The following EIF4G3 variants were observed in gnomAD, a reference collection of about 807,000 sequenced individuals.
EIF4G3 encodes eukaryotic translation initiation factor 4 gamma 3, also known as eIF-4-gamma 3.
A neutral mutation model predicts 186.4 loss-of-function variants in EIF4G3; 34 were observed. The observed-to-expected ratio is 0.18, with a 90% CI of 0.14 to 0.24. EIF4G3 has a LOEUF of 0.24. EIF4G3 is among the 10% of genes least tolerant of loss of function. The pLI, the probability that EIF4G3 is intolerant of heterozygous loss-of-function variation, is 1.00. For synonymous variants in EIF4G3, 673 were observed against 679.5 expected, an observed-to-expected ratio of 0.99 and a Z score of 0.15; for missense variants, 1,536 against 1,948.5, an observed-to-expected ratio of 0.79 and a Z score of 3.99.
intron 2 of EIF4G3, among the ~76,000 whole-genome samples, chr1:21,127,265 C>T (rs973088499): frequency 2.0e-5 from 3 of 152,160 alleles, no homozygotes; most frequent in African/African-American, 7.2e-5. Flanking sequence ...GCGTGATCTA[C>T]CATGCCTGGC....
intron 4 of EIF4G3, among the ~76,000 whole-genome samples, chr1:21,006,482 G>A (rs1489650467): frequency 6.6e-6 from 1 of 152,156 alleles, no homozygotes; most frequent in East Asian, 1.9e-4. Flanking sequence ...CCAGTATACT[G>A]TCCAAGTTGA....
intron 4 of EIF4G3, among the ~76,000 whole-genome samples, chr1:21,040,990 A>G (rs896304116): frequency 2.0e-5 from 3 of 151,888 alleles, no homozygotes; most frequent in Non-Finnish European, 4.4e-5. Flanking sequence ...TTGGTCTATA[A>G]ATTTGTTCTG....
rs1007989793 is a variant in EIF4G3, at chr1:20,810,390, A to G, written c.4744+348T>C. 6.6e-6 allele frequency among the ~76,000 whole-genome samples: 1 copy of G among 151,970 alleles called. No individual in the cohort carries two copies. The highest frequency in any genetic ancestry group is 2.4e-5 in the African/African-American group (1 of 41,362). On this transcript the variant is annotated intron_variant, in intron 36 of 36. Transcript: ENST00000602326. The surrounding 1 kb of genome is among the most constrained non-coding windows in gnomAD (Gnocchi z 4.1). ...AGGATGGTCTCGATCTCCTGACCTC[A>G]TGATCCATCTGCCTCGGCCTCCCAA...
intron 14 of EIF4G3, among the ~76,000 whole-genome samples, chr1:20,933,840 C>A (rs1451050084): frequency 6.6e-6 from 1 of 152,064 alleles, no homozygotes; most frequent in Non-Finnish European, 1.5e-5. Flanking sequence ...ATTGGATGTA[C>A]TGAATTTGAG....
At position 20,882,869 on chromosome 1, in the gene EIF4G3, G is replaced by A. The variant is rs550486316; in HGVS notation, c.2424+3332C>T. On this transcript the variant is annotated intron_variant, in intron 19 of 36. Coordinates refer to ENST00000602326, the MANE Select transcript of EIF4G3 (RefSeq NM_001391906.1). The stretch of plus-strand genomic sequence containing the variant: ...ATTGGGAGGCTAAAGCAGGAGGACC[G>A]CTTGAGCCCAGGAGTTCAAGACCAG... 1.8e-3 allele frequency among the ~76,000 whole-genome samples: 279 copies of A among 151,870 alleles called. 3 individuals are homozygous for A. The highest frequency in any genetic ancestry group is 5.2e-3 in the African/African-American group (214 of 41,420).
chr1:20,942,003 G>A lies in EIF4G3; in HGVS notation c.1151C>T (p.Thr384Ile). ...GCATATATCATCATCATTTTCATTT[G>A]TTGGTAAAGGGTCTGATGTTTCTGT... ...SCTETSDPLP[T>I]NENDDDICKK... is the part of the protein sequence containing the mutation. Residue 384 changes from threonine to isoleucine, a missense_variant, in exon 14 of 37, where the codon ACA (threonine) becomes ATA (isoleucine). Thr to Ile is a moderately conservative substitution (Grantham distance 89). This residue lies in a region of EIF4G3 where 560 missense variants were observed against 547.8 expected (regional missense o/e 1.02). Coordinates refer to ENST00000602326, the MANE Select transcript of EIF4G3 (RefSeq NM_001391906.1). The A allele has an allele frequency of 6.2e-7, 1 of 1,614,148 alleles. No individual in the cohort carries two copies. Among genetic ancestry groups the A allele is most frequent in the Non-Finnish European group, 8.5e-7 (1 of 1,180,020 alleles).
chr1:20,864,562 G>A lies in EIF4G3; in HGVS notation c.2920C>T (p.Leu974=). 4 of 1,614,126 alleles carry A rather than the reference G, an allele frequency of 2.5e-6. No homozygotes were observed. The highest frequency in any genetic ancestry group is 3.4e-6 in the Non-Finnish European group (4 of 1,180,008). The stretch of plus-strand genomic sequence containing the variant: ...AGGGATTCTTCATCATGGTTCTTTA[G>A]CAGCTTCACCACACAGTCATGCATG... ...AIMHDCVVKL[L]KNHDEESLEC... is the part of the protein sequence containing the mutation. The change falls in exon 22 of 37, where the codon CTA becomes TTA. Residue 974 remains leucine (L), a synonymous_variant. Transcript: ENST00000602326.
At chr1:21,008,804 T>C (rs1239482859) in intron 4 of EIF4G3, among the ~76,000 whole-genome samples, 1 of 152,200 alleles carries the variant, frequency 6.6e-6, no homozygotes, top group African/African-American at 2.4e-5. Context: ...TAATCCCACA[T>C]ATATGCAGAA....
chr1:21,091,803 T>C (rs184346912), intron 2 of EIF4G3, among the ~76,000 whole-genome samples: 3 of 152,332 alleles, frequency 2.0e-5, no homozygotes, highest in Admixed American at 6.5e-5. Context: ...TGTCTGTCAT[T>C]GGTATATAAG....
chr1:20,883,043 C>G (rs566003600), intron 19 of EIF4G3, among the ~76,000 whole-genome samples: 1 of 150,694 alleles, frequency 6.6e-6, no homozygotes, highest in Non-Finnish European at 1.5e-5. Flanking sequence ...GACAGAGCCA[C>G]TGAACTTTAA....
Position 21,084,447 on chromosome 1 carries a change from C to T in EIF4G3, c.-196+4691G>A, listed in dbSNP as rs548987146. Among the ~76,000 whole-genome samples the T allele has an allele frequency of 4.6e-5, 7 of 152,246 alleles. No individual in the cohort carries two copies. The East Asian group carries it at 5.8e-4, about 13-fold the overall frequency. On this transcript the variant is annotated intron_variant, in intron 3 of 36. Transcript: ENST00000602326. ...GAAAAATCATTCACTATCACAAGAA[C>T]AGCATGGGGAAAATCTGCCCCCATG...
At chr1:21,111,412 T>C (rs1404458574) in intron 2 of EIF4G3, 3 of 471,354 alleles carry the variant, frequency 6.4e-6, no homozygotes, top group Non-Finnish European at 1.3e-5. Flanking sequence ...ATAAGGCTTA[T>C]GATGGGCTTA....
chr1:20,919,782 A>G (rs1248555241), intron 14 of EIF4G3, among the ~76,000 whole-genome samples: 1 of 152,188 alleles, frequency 6.6e-6, no homozygotes, highest in Non-Finnish European at 1.5e-5. Context: ...AAGCAATACT[A>G]TTTTTTAGAG....
chr1:21,025,811 G>C (rs753158635), intron 4 of EIF4G3, among the ~76,000 whole-genome samples: 3 of 152,124 alleles, frequency 2.0e-5, no homozygotes, highest in Non-Finnish European at 2.9e-5. Context: ...AGAGTAATTA[G>C]GCATGAAGAG....
At chr1:21,057,038 C>T (rs2094592845) in intron 3 of EIF4G3, among the ~76,000 whole-genome samples, 1 of 152,106 alleles carries the variant, frequency 6.6e-6, no homozygotes, top group African/African-American at 2.4e-5. Context: ...GTGGGGCTTC[C>T]AAAATTCTCA....
chr1:21,003,905 G>A (rs2084296803), intron 4 of EIF4G3: 1 of 219,002 alleles, frequency 4.6e-6, no homozygotes, highest in Non-Finnish European at 9.0e-6. Context: ...ACGCTCCTGA[G>A]AGCATCAACC....
chr1:21,155,485 G>A (rs997752105), intron 2 of EIF4G3, among the ~76,000 whole-genome samples: 3 of 151,908 alleles, frequency 2.0e-5, no homozygotes, highest in Non-Finnish European at 4.4e-5. Context: ...AGTAACTACT[G>A]CCCAGAACCC....
At chr1:20,928,722 A>G (rs2095108660) in intron 14 of EIF4G3, among the ~76,000 whole-genome samples, 1 of 152,202 alleles carries the variant, frequency 6.6e-6, no homozygotes, top group East Asian at 1.9e-4. Flanking sequence ...TATATATGTA[A>G]TATTTGTTGA....
chr1:21,029,541 A>G (rs1052371256), intron 4 of EIF4G3, among the ~76,000 whole-genome samples: 1 of 151,988 alleles, frequency 6.6e-6, no homozygotes, highest in Non-Finnish European at 1.5e-5. Context: ...AGGCCAAGGC[A>G]GAAGGATCAC....
Sources: gnomAD v4.1 joint callset for allele counts (sites outside exome capture counted in the v4.1 genomes callset) on GRCh38, gnomAD v4.1.1 for gene constraint, gnomAD v4.1.1 regional missense constraint, Gnocchi (gnomAD v3.1) non-coding constraint, MANE v1.5 for transcripts, NCBI Gene and HGNC (gene_info 2026-07-23, HGNC 2026-07-21) for gene names.